The following CD276 variants were observed in gnomAD, a reference collection of about 807,000 sequenced individuals.
The protein encoded by CD276 is CD276 antigen.
In CD276, 34 loss-of-function variants were observed where a neutral mutation model predicts 50.0. The ratio of observed to expected loss-of-function variants is 0.68; its 90% CI spans 0.52 to 0.91. The LOEUF is 0.91. Among genes scored for constraint, CD276 ranks in the 40% least tolerant of loss-of-function variants. The pLI is 0.00. For missense variants in CD276, 634 were observed against 717.5 expected (o/e 0.88, Z 1.33); for synonymous variants, 275 against 313.0 (o/e 0.88, Z 1.28).
intron 1 of CD276, among the ~76,000 whole-genome samples, chr15:73,688,528 A>G (rs1203691462): frequency 6.6e-6 from 1 of 152,206 alleles, no homozygotes; most frequent in Non-Finnish European, 1.5e-5. Flanking sequence ...TTCTGAGCTC[A>G]TGCTGTACCC....
At chr15:73,685,595 C>T (rs763265665) in intron 1 of CD276, among the ~76,000 whole-genome samples, 16 of 151,918 alleles carry the variant, frequency 1.1e-4, no homozygotes, top group Non-Finnish European at 2.2e-4. Flanking sequence ...CATTAAAGCC[C>T]GGGGTCCTTT....
In CD276 at chr15:73,713,122, A is replaced by G. The variant is rs1900977282; in HGVS notation, c.*166A>G. The stretch of plus-strand genomic sequence containing the variant: ...ACCACTGTGCAGCCTTATTTCTCCA[A>G]TGGACATGATTCCCAAGTCATCCTG... On this transcript the variant is annotated 3_prime_UTR_variant, in exon 10 of 10. Transcript: ENST00000318443. The G allele has an allele frequency of 5.1e-6, 3 of 583,230 alleles. No homozygotes were observed. Among genetic ancestry groups the G allele is most frequent in the Non-Finnish European group, 8.9e-6 (3 of 336,406 alleles). 36.1% of individuals were successfully genotyped at this position (583,230 alleles called of 1,614,324 possible).
Position 73,702,610 on chromosome 15 carries a change from G to C in CD276, c.418+17G>C, listed in dbSNP as rs762001216. On this transcript the variant is annotated intron_variant, in intron 3 of 9. Transcript: ENST00000318443. Reference sequence around the variant, plus strand: ...AGGTGGCCGGTGAGCACCAGGAGGGGGACGCCTTCCCCTTAGTTCACCCTC... The same window carrying C: ...AGGTGGCCGGTGAGCACCAGGAGGGCGACGCCTTCCCCTTAGTTCACCCTC... The C allele has an allele frequency of 1.5e-4, 232 of 1,597,258 alleles. No homozygotes were observed. Among genetic ancestry groups the C allele is most frequent in the East Asian group, 2.5e-4 (11 of 44,666 alleles).
chr15:73,713,186 A>G lies in CD276; in HGVS notation c.*230A>G, dbSNP rs1900980016. On this transcript the variant is annotated 3_prime_UTR_variant, in exon 10 of 10. Transcript: ENST00000318443. ...TATAGACACAATGAACAGACCACCC[A>G]CAACCTTAGTTCTCTAAGTCATCCT... The G allele has an allele frequency of 1.9e-6, 1 of 513,478 alleles. No individual in the cohort carries two copies. The highest frequency in any genetic ancestry group is 3.4e-6 in the Non-Finnish European group (1 of 292,288). 31.8% of individuals were successfully genotyped at this position (513,478 alleles called of 1,614,324 possible). A position where few individuals can be genotyped will look rare whatever the true frequency, so the allele number is the denominator to read the frequency against.
chr15:73,694,744 C>T (rs922202030), intron 1 of CD276, among the ~76,000 whole-genome samples: 2 of 152,202 alleles, frequency 1.3e-5, no homozygotes, highest in Non-Finnish European at 2.9e-5. Flanking sequence ...AAGCTGTACA[C>T]ATCAGTGTAC....
At chr15:73,707,689 G>A (rs1900702546) in intron 6 of CD276, among the ~76,000 whole-genome samples, 1 of 152,054 alleles carries the variant, frequency 6.6e-6, no homozygotes, top group African/African-American at 2.4e-5. Context: ...ATCTTTTTTT[G>A]GTAACCCTTT....
In CD276 at chr15:73,702,850, C is replaced by T. The variant is rs919298201; in HGVS notation, c.497C>T (p.Ser166Phe). 1.2e-6 allele frequency: 2 copies of T among 1,614,030 alleles called. No individual in the cohort carries two copies. Among genetic ancestry groups the T allele is most frequent in the East Asian group, 2.2e-5 (1 of 44,882 alleles). The part of the protein sequence containing the change: ...RPGDTVTITC[S>F]SYQGYPEAEV... ...GGGGACACGGTGACCATCACGTGCT[C>T]CAGCTACCAGGGCTACCCTGAGGCT... is the stretch of plus-strand genomic sequence containing the variant. The change falls in exon 4 of 10, where the codon TCC becomes TTC. Residue 166 changes from serine (S) to phenylalanine (F), a missense_variant. Physicochemically the swap from Ser to Phe is radical, Grantham distance 155 (BLOSUM62 -2). Coordinates refer to ENST00000318443, the MANE Select transcript of CD276 (RefSeq NM_001024736.2).
rs192848452 is a variant in CD276 at position 73,710,574 on chromosome 15, G to A, written c.1547-561G>A. ...TCCCTCCCCACCCCCGCAGAAGGAA[G>A]GGCAGGAGATTGACACTTGGGGACT... On this transcript the variant is annotated intron_variant, in intron 8 of 9. Transcript: ENST00000318443. 9.8e-4 allele frequency among the ~76,000 whole-genome samples: 150 copies of A among 152,366 alleles called. 2 individuals are homozygous for A. The highest frequency in any genetic ancestry group is 1.9e-3 in the East Asian group (10 of 5,192).
intron 1 of CD276, chr15:73,690,661 C>T: frequency 4.4e-6 from 2 of 455,856 alleles, no homozygotes; most frequent in Non-Finnish European, 8.8e-6. Context: ...AATCTCTTCA[C>T]TTCTTACAGG....
chr15:73,708,081 C>T (rs74381202), intron 6 of CD276, among the ~76,000 whole-genome samples: 3,637 of 152,274 alleles, frequency 0.024, 158 homozygotes, highest in African/African-American at 0.083. Context: ...ACTAGGGAGC[C>T]ATAGAAGGTA....
At position 73,688,910 on chromosome 15, in the gene CD276, C is replaced by A. The variant is rs78629974; in HGVS notation, c.-55+4450C>A. ...GCAGATCACATCTGGAGAAAATGCACCCTTCCTTGAGTGCAGTCTGGAAAG... is the reference window on the plus strand; with the variant it reads ...GCAGATCACATCTGGAGAAAATGCAACCTTCCTTGAGTGCAGTCTGGAAAG... On this transcript the variant is annotated intron_variant, in intron 1 of 9. Coordinates refer to ENST00000318443, the MANE Select transcript of CD276 (RefSeq NM_001024736.2). Among the ~76,000 whole-genome samples, 852 of 152,244 alleles carry A rather than the reference C, an allele frequency of 5.6e-3. 15 individuals carry two copies. The highest frequency in any genetic ancestry group is 0.019 in the African/African-American group (809 of 41,542).
rs377370844 is a variant in CD276 at position 73,704,171 on chromosome 15, T to C, written c.1073-5T>C. The C allele has an allele frequency of 2.5e-6, 4 of 1,609,762 alleles. No homozygotes were observed. The African/African-American group carries it at 5.3e-5, about 21-fold the overall frequency. ...CCCTTGACCCCTGCCCTCTGTCACC[T>C]CCAGCTCCCTACTCGAAGCCCAGCA... On this transcript the variant is annotated splice_region_variant and splice_polypyrimidine_tract_variant and intron_variant, in intron 5 of 9. Transcript: ENST00000318443. The surrounding 1 kb of genome is among the most constrained non-coding windows in gnomAD (Gnocchi z 4.1).
chr15:73,695,634 A>G (rs1471211720), intron 1 of CD276, among the ~76,000 whole-genome samples: 1 of 152,200 alleles, frequency 6.6e-6, no homozygotes, highest in East Asian at 1.9e-4. Flanking sequence ...AAAGACATGA[A>G]TGCATGTGGA....
intron 1 of CD276, among the ~76,000 whole-genome samples, chr15:73,695,518 C>A (rs1222049314): frequency 6.6e-6 from 1 of 152,186 alleles, no homozygotes; most frequent in East Asian, 1.9e-4. Context: ...GCATGTCCCC[C>A]TTCCCTATTA....
chr15:73,699,475 C>A (rs1267565163), intron 1 of CD276, 111 bp from the exon 2 acceptor site: 4 of 1,389,050 alleles, frequency 2.9e-6, no homozygotes, highest in Non-Finnish European at 3.9e-6. Context: ...GGAATGAGGA[C>A]CTCCCAGTGG....
Position 73,711,306 on chromosome 15 carries a change from C to T in CD276, c.1582+136C>T, listed in dbSNP as rs975633345. 2.0e-5 allele frequency: 18 copies of T among 892,976 alleles called. No individual in the cohort carries two copies. The Admixed American group carries it at 2.4e-4, about 12-fold the overall frequency. 55.3% of individuals were successfully genotyped at this position (892,976 alleles called of 1,614,324 possible). A position where few individuals can be genotyped will look rare whatever the true frequency, so the allele number is the denominator to read the frequency against. On this transcript the variant is annotated intron_variant, in intron 9 of 9. Coordinates refer to ENST00000318443, the MANE Select transcript of CD276 (RefSeq NM_001024736.2). ...GCAGAAGAGCAGCCTCAACTTCCCC[C>T]TGGTGAGATGGCAGAGGGCTGAGTA... is the stretch of plus-strand genomic sequence containing the variant.
intron 6 of CD276, among the ~76,000 whole-genome samples, chr15:73,708,041 G>A (rs1156354059): frequency 2.6e-5 from 4 of 152,292 alleles, no homozygotes; most frequent in South Asian, 2.1e-4. Flanking sequence ...CTTGAATCAC[G>A]CTTGAAGCTT....
intron 6 of CD276, among the ~76,000 whole-genome samples, chr15:73,706,870 G>A (rs1900670513): frequency 6.6e-6 from 1 of 152,210 alleles, no homozygotes. Flanking sequence ...CCAGTTAAGG[G>A]GGAACATAGA....
At position 73,714,392 on chromosome 15, in the gene CD276, C is replaced by T. The variant is rs777506034; in HGVS notation, c.*1436C>T. 13 of 152,850 alleles carry T rather than the reference C, an allele frequency of 8.5e-5. No individual in the cohort carries two copies. Among genetic ancestry groups the T allele is most frequent in the Non-Finnish European group, 1.6e-4 (11 of 68,218 alleles). 9.5% of individuals were successfully genotyped at this position (152,850 alleles called of 1,614,324 possible). On this transcript the variant is annotated 3_prime_UTR_variant, in exon 10 of 10. Transcript: ENST00000318443. ...AGACTTCAGACGTTCTGATGCCTTCCGGATGTCATCTCTCCCTGCCCCAGG... is the reference window on the plus strand; with the variant it reads ...AGACTTCAGACGTTCTGATGCCTTCTGGATGTCATCTCTCCCTGCCCCAGG...
Sources: allele counts gnomAD v4.1 joint callset (sites outside exome capture counted in the v4.1 genomes callset), GRCh38; gene constraint gnomAD v4.1.1; non-coding constraint Gnocchi (gnomAD v3.1); transcripts MANE v1.5; gene names NCBI Gene and HGNC (gene_info 2026-07-23, HGNC 2026-07-21).